Variants in MYBPC2 observed in about 807,000 individuals in gnomAD.
The protein encoded by MYBPC2 is myosin binding protein C2, also known as myosin-binding protein C, fast-type.
MYBPC2 carries 122 observed loss-of-function variants against 137.0 expected under a neutral mutation model. That is an observed-to-expected ratio of 0.89 (90% CI 0.77 to 1.03). The LOEUF is 1.03. Ranked by LOEUF, MYBPC2 falls within the 50% of genes least tolerant of loss-of-function variation. The pLI is 0.00. For missense variants in MYBPC2, 1,500 were observed against 1,534.4 expected (o/e 0.98, Z 0.37); for synonymous variants, 626 against 612.3 (o/e 1.02, Z -0.33).
intron 8 of MYBPC2, 147 bp from the exon 9 acceptor site, chr19:50,442,034 A>G (rs1039537369): frequency 1.8e-5 from 19 of 1,060,604 alleles, no homozygotes; most frequent in Non-Finnish European, 2.5e-5. Flanking sequence ...GTTCTCAAGG[A>G]TCTCTAAGTT....
rs1163540447 is a variant in MYBPC2, at chr19:50,435,959, TA to T, written c.197-52del. Reference sequence around the variant, plus strand: ...CGTTCTGTCTCCCTCTGGAGAGCCTTATGTTCCTTCCTGGGCCTCCTCCCAC... The same window carrying T: ...CGTTCTGTCTCCCTCTGGAGAGCCTTTGTTCCTTCCTGGGCCTCCTCCCAC... On this transcript the variant is annotated intron_variant, in intron 3 of 27. Transcript: ENST00000357701. The surrounding 1 kb of genome is among the most constrained non-coding windows in gnomAD (Gnocchi z 4.8). 1 of 1,554,576 alleles carries T rather than the reference TA, an allele frequency of 6.4e-7. No homozygotes were observed. Among genetic ancestry groups the T allele is most frequent in the African/African-American group, 1.4e-5 (1 of 73,212 alleles).
At chr19:50,445,837 T>C in intron 11 of MYBPC2, 43 bp from the exon 12 acceptor site, 2 of 1,554,040 alleles carry the variant, frequency 1.3e-6, no homozygotes, top group Non-Finnish European at 1.7e-6. Flanking sequence ...GACCGAGAGC[T>C]GTGCTGTCTC....
At position 50,460,077 on chromosome 19, in the gene MYBPC2, G is replaced by C. The variant is rs375448678; in HGVS notation, c.2829G>C (p.Glu943Asp). The change falls in exon 24 of 28, where the codon GAG (glutamate) becomes GAC (aspartate). Residue 943 changes from glutamate to aspartate, a missense_variant. Glu to Asp is a conservative substitution (Grantham distance 45). Coordinates refer to ENST00000357701, the MANE Select transcript of MYBPC2 (RefSeq NM_004533.4). ...CCCCCATAAACGTGATGGTGAAGGA[G>C]GTGTGGGGCACGAACGCGCTGGTGG... The part of the protein sequence containing the change: ...AGPPINVMVK[E>D]VWGTNALVEW... The C allele has an allele frequency of 5.8e-6, 9 of 1,563,758 alleles. No individual in the cohort carries two copies. The highest frequency in any genetic ancestry group is 6.9e-6 in the Non-Finnish European group (8 of 1,154,370).
rs771772791 is a variant in MYBPC2, at chr19:50,432,991, C to T, written c.19+19C>T. 3 of 1,590,620 alleles carry T rather than the reference C, an allele frequency of 1.9e-6. No individual in the cohort carries two copies. The Admixed American group carries it at 5.4e-5, about 29-fold the overall frequency. ...AAACCAGGTGGCGCCAGGACCCCCTCCCTGTGTGGGGATGGGGCTCTTCTT... is the reference window on the plus strand; with the variant it reads ...AAACCAGGTGGCGCCAGGACCCCCTTCCTGTGTGGGGATGGGGCTCTTCTT... On this transcript the variant is annotated intron_variant, in intron 1 of 27. Transcript: ENST00000357701. This position sits in a 1 kb window ranked among gnomAD's most constrained non-coding sequence, Gnocchi z 5.5.
chr19:50,447,838 CAA>C (rs1441033536), intron 12 of MYBPC2, among the ~76,000 whole-genome samples: 1 of 151,602 alleles, frequency 6.6e-6, no homozygotes, highest in Admixed American at 6.6e-5. Flanking sequence ...GCCTGGGCGA[CAA>C]GAGTGAAACT....
At chr19:50,459,937 G>C in intron 23 of MYBPC2, 103 bp from the exon 24 acceptor site, 1 of 1,488,374 alleles carries the variant, frequency 6.7e-7, no homozygotes, top group Non-Finnish European at 9.1e-7. Flanking sequence ...TGGGGCATAA[G>C]AGAGGTTAGA....
chr19:50,438,922 C>A (rs933885531), intron 7 of MYBPC2, among the ~76,000 whole-genome samples: 1 of 152,006 alleles, frequency 6.6e-6, no homozygotes, highest in Non-Finnish European at 1.5e-5. Flanking sequence ...ATCTGCTGGC[C>A]CACTTATCCA....
Position 50,444,696 on chromosome 19 carries a change from C to T in MYBPC2, c.1133+880C>T, listed in dbSNP as rs59254547. Among the ~76,000 whole-genome samples, 903 of 151,502 alleles carry T rather than the reference C, an allele frequency of 6.0e-3. 8 individuals are homozygous for T. Among genetic ancestry groups the T allele is most frequent in the African/African-American group, 0.021 (849 of 41,282 alleles). ...GAGATCGAGACCATCTTGGCTAACA[C>T]GGTGAAACCCCGTTTCTACTAAAAA... On this transcript the variant is annotated intron_variant, in intron 11 of 27. Coordinates refer to ENST00000357701, the MANE Select transcript of MYBPC2 (RefSeq NM_004533.4).
chr19:50,437,909 C>T (rs1183109560), intron 7 of MYBPC2, among the ~76,000 whole-genome samples, 191 bp downstream of exon 7: 1 of 152,108 alleles, frequency 6.6e-6, no homozygotes, highest in Non-Finnish European at 1.5e-5. Flanking sequence ...CACCCACCTA[C>T]CCATTTACCC....
At chr19:50,437,029 G>A (rs2039710055) in intron 5 of MYBPC2, among the ~76,000 whole-genome samples, 2 of 152,176 alleles carry the variant, frequency 1.3e-5, no homozygotes. Flanking sequence ...GGCTTGGGAA[G>A]TGAGGGTGTC....
intron 11 of MYBPC2, among the ~76,000 whole-genome samples, chr19:50,445,033 T>A (rs1338290509): frequency 6.6e-6 from 1 of 152,082 alleles, no homozygotes. Flanking sequence ...ATCACATACA[T>A]ACATATAAAA....
intron 14 of MYBPC2, 29 bp from the exon 15 acceptor site, chr19:50,451,251 C>T (rs2039854234): frequency 1.2e-6 from 2 of 1,613,290 alleles, no homozygotes; most frequent in Non-Finnish European, 1.7e-6. Context: ...GAGTTTAGAC[C>T]TAACTGTCCA....
chr19:50,440,851 T>C (rs751644371), intron 7 of MYBPC2, 29 bp from the exon 8 acceptor site: 3 of 1,592,164 alleles, frequency 1.9e-6, no homozygotes, highest in Non-Finnish European at 1.7e-6. Context: ...CACTCCCTGA[T>C]GGCCCCTGTC....
At chr19:50,433,468 G>A (rs1655832592) in intron 1 of MYBPC2, among the ~76,000 whole-genome samples, 1 of 151,592 alleles carries the variant, frequency 6.6e-6, no homozygotes, top group African/African-American at 2.4e-5. Flanking sequence ...GCATTGGTGC[G>A]ATCTCGGCTC....
At chr19:50,464,760 G>C (rs559291158) in intron 27 of MYBPC2, among the ~76,000 whole-genome samples, 15 of 152,330 alleles carry the variant, frequency 9.8e-5, no homozygotes, top group South Asian at 8.3e-4. Flanking sequence ...TTCCAAAGGA[G>C]TTGAAGGACA....
chr19:50,434,856 A>C (rs1357809321), intron 1 of MYBPC2, among the ~76,000 whole-genome samples: 1 of 152,110 alleles, frequency 6.6e-6, no homozygotes, highest in Non-Finnish European at 1.5e-5. Flanking sequence ...ATACCCTCGG[A>C]CCCAAAAGGT....
intron 13 of MYBPC2, among the ~76,000 whole-genome samples, chr19:50,449,708 T>C (rs1055308194): frequency 3.9e-5 from 6 of 152,130 alleles, no homozygotes; most frequent in African/African-American, 7.2e-5. Context: ...CGTGGACACC[T>C]AAGACAAACA....
At chr19:50,447,138 C>T (rs562500297) in intron 12 of MYBPC2, among the ~76,000 whole-genome samples, 2 of 152,072 alleles carry the variant, frequency 1.3e-5, no homozygotes, top group Admixed American at 1.3e-4. Flanking sequence ...CCTCCACCCC[C>T]CAGTACCCGC....
At chr19:50,452,466 GTGTA>G (rs746899570) in intron 16 of MYBPC2, among the ~76,000 whole-genome samples, 5,193 of 147,026 alleles carry the variant, frequency 0.035, 118 homozygotes, top group Middle Eastern at 0.055. Flanking sequence ...CTATGTATCT[GTGTA>G]TGTATGTATG....
Sources: gnomAD v4.1 joint callset for allele counts (sites outside exome capture counted in the v4.1 genomes callset) on GRCh38, gnomAD v4.1.1 for gene constraint, Gnocchi (gnomAD v3.1) non-coding constraint, MANE v1.5 for transcripts, NCBI Gene and HGNC (gene_info 2026-07-23, HGNC 2026-07-21) for gene names.